Variants in FLVCR1 observed in about 807,000 individuals in gnomAD.
FLVCR1 encodes choline/ethanolamine transporter FLVCR1.
A neutral mutation model predicts 53.6 loss-of-function variants in FLVCR1; 34 were observed. The ratio of observed to expected loss-of-function variants is 0.63; its 90% CI spans 0.48 to 0.84. FLVCR1 has a LOEUF of 0.84. Among genes scored for constraint, FLVCR1 ranks in the 40% least tolerant of loss-of-function variants. FLVCR1 has a pLI of 0.00. For missense variants in FLVCR1, 677 were observed against 696.7 expected, an observed-to-expected ratio of 0.97 and a Z score of 0.32; for synonymous variants, 300 against 286.3, an observed-to-expected ratio of 1.05 and a Z score of -0.48.
chr1:212,889,003 T>C, intron 7 of FLVCR1, 143 bp from the exon 8 acceptor site: 1 of 678,770 alleles, frequency 1.5e-6, no homozygotes, highest in East Asian at 2.9e-5. Flanking sequence ...GACCGTGGTT[T>C]TTGTTTTAAC....
chr1:212,889,209 G>A lies in FLVCR1; in HGVS notation c.1477G>A (p.Gly493Arg). Residue 493 changes from glycine to arginine, a missense_variant, in exon 8 of 10, where the codon GGG (glycine) becomes AGG (arginine). By Grantham distance (125) the Gly-to-Arg change is moderately radical. Transcript: ENST00000366971. ...CACATCAGACTATGGTCCTAAGGCA[G>A]GGAACATTTTTCTCTGTGTCTGGAT... ...KLTSDYGPKAGNIFLCVWMFI... is the reference protein window; with the variant it reads ...KLTSDYGPKARNIFLCVWMFI... The A allele has an allele frequency of 6.2e-7, 1 of 1,613,914 alleles. No homozygotes were observed. Among genetic ancestry groups the A allele is most frequent in the Admixed American group, 1.7e-5 (1 of 60,020 alleles).
At chr1:212,869,188 A>G (rs1254442535) in intron 2 of FLVCR1, among the ~76,000 whole-genome samples, 1 of 152,270 alleles carries the variant, frequency 6.6e-6, no homozygotes, top group African/African-American at 2.4e-5. Flanking sequence ...TGGCTACTTT[A>G]TAAGACTAAC....
chr1:212,874,100 C>T (rs936577897), intron 3 of FLVCR1, among the ~76,000 whole-genome samples: 3 of 152,116 alleles, frequency 2.0e-5, no homozygotes, highest in African/African-American at 7.2e-5. Flanking sequence ...CTCTGCCTCC[C>T]GGGTTCAAGC....
chr1:212,884,541 A>G (rs1200395910), intron 4 of FLVCR1, among the ~76,000 whole-genome samples: 1 of 152,250 alleles, frequency 6.6e-6, no homozygotes, highest in African/African-American at 2.4e-5. Flanking sequence ...GGAACTCAGC[A>G]TAAATATAGA....
chr1:212,880,277 G>A (rs1261007442), intron 3 of FLVCR1, among the ~76,000 whole-genome samples: 1 of 152,202 alleles, frequency 6.6e-6, no homozygotes, highest in Non-Finnish European at 1.5e-5. Flanking sequence ...AACAGGGATT[G>A]TAATGGAACA....
intron 8 of FLVCR1, among the ~76,000 whole-genome samples, chr1:212,892,807 C>T (rs1404858038): frequency 6.6e-6 from 1 of 152,092 alleles, no homozygotes; most frequent in Non-Finnish European, 1.5e-5. Context: ...GGAAAGGATG[C>T]ACCATCCTAG....
chr1:212,888,697 T>C lies in FLVCR1; in HGVS notation c.1413+103T>C, dbSNP rs181703167. 20 of 955,600 alleles carry C rather than the reference T, an allele frequency of 2.1e-5. No individual in the cohort carries two copies. In the Admixed American group the frequency reaches 3.6e-4, roughly 17 times the overall value. The allele number at this position is 955,600 out of a possible 1,614,324, so 59.2% of individuals were successfully genotyped here. On this transcript the variant is annotated intron_variant, in intron 7 of 9. Coordinates refer to ENST00000366971, the MANE Select transcript of FLVCR1 (RefSeq NM_014053.4). ...TTATTTGTTGTTGTTGTTGTTTTGTTTTTTGGAGACAGAGTCTTGCTCAGC... is the reference window on the plus strand; with the variant it reads ...TTATTTGTTGTTGTTGTTGTTTTGTCTTTTGGAGACAGAGTCTTGCTCAGC...
At position 212,866,131 on chromosome 1, in the gene FLVCR1, C is replaced by T. The variant is rs146167338; in HGVS notation, c.883+2262C>T. On this transcript the variant is annotated intron_variant, in intron 2 of 9. Coordinates refer to ENST00000366971, the MANE Select transcript of FLVCR1 (RefSeq NM_014053.4). The stretch of plus-strand genomic sequence containing the variant: ...TCCCAAGTAGCTGAGATTACAGGCG[C>T]GTGCCACCATGCCTGGCTAATTTTT... 1.5e-3 allele frequency among the ~76,000 whole-genome samples: 232 copies of T among 152,050 alleles called. 2 individuals carry two copies. Among genetic ancestry groups the T allele is most frequent in the African/African-American group, 5.2e-3 (214 of 41,440 alleles).
chr1:212,896,885 A>AAAAAG lies in FLVCR1; in HGVS notation c.*1598_*1599insAGAAA. ...AAAAAAAAAAAAAAAAAAAAAAAAAAAAAGGCCAGGCGCAGTGCTGTGGCT... is the reference window on the plus strand; with the variant it reads ...AAAAAAAAAAAAAAAAAAAAAAAAAAAAAAGAAAGGCCAGGCGCAGTGCTGTGGCT... On this transcript the variant is annotated 3_prime_UTR_variant, in exon 10 of 10. Transcript: ENST00000366971. 1 of 138,940 alleles carries AAAAAG rather than the reference A, an allele frequency of 7.2e-6. No homozygotes were observed. Among genetic ancestry groups the AAAAAG allele is most frequent in the Non-Finnish European group, 1.5e-5 (1 of 64,890 alleles). 8.6% of individuals were successfully genotyped at this position (138,940 alleles called of 1,614,324 possible). A position where few individuals can be genotyped will look rare whatever the true frequency, so the allele number is the denominator to read the frequency against.
rs1665313752 is a variant in FLVCR1 at position 212,895,595 on chromosome 1, G to A, written c.*305G>A. The stretch of plus-strand genomic sequence containing the variant: ...TGACGTTTACTTTTTAAAAGTCGAT[G>A]TTTTTCTTTTTTGTAGAAAATGGAA... On this transcript the variant is annotated 3_prime_UTR_variant, in exon 10 of 10. Coordinates refer to ENST00000366971, the MANE Select transcript of FLVCR1 (RefSeq NM_014053.4). 2.7e-6 allele frequency: 1 copy of A among 368,348 alleles called. No homozygotes were observed. The allele number at this position is 368,348 out of a possible 1,614,324, so 22.8% of individuals were successfully genotyped here. A position where few individuals can be genotyped will look rare whatever the true frequency, so the allele number is the denominator to read the frequency against.
rs6682947 is a variant in FLVCR1 at position 212,896,441 on chromosome 1, A to G, written c.*1151A>G. On this transcript the variant is annotated 3_prime_UTR_variant, in exon 10 of 10. Coordinates refer to ENST00000366971, the MANE Select transcript of FLVCR1 (RefSeq NM_014053.4). The stretch of plus-strand genomic sequence containing the variant: ...TTCACTGCAGAGTCATCACACTGTT[A>G]GAATAGTCTGCTCTTTTACATGCTC... The G allele has an allele frequency of 0.62, 93,905 of 151,926 alleles. 30,871 individuals carry two copies. Among genetic ancestry groups the G allele is most frequent in the East Asian group, 0.91 (4,716 of 5,156 alleles). The allele number at this position is 151,926 out of a possible 1,614,324, so 9.4% of individuals were successfully genotyped here.
chr1:212,862,950 A>G (rs1664291128), intron 1 of FLVCR1, among the ~76,000 whole-genome samples: 1 of 152,160 alleles, frequency 6.6e-6, no homozygotes, highest in African/African-American at 2.4e-5. Flanking sequence ...CCATTTGTAT[A>G]TCTTCTTTGG....
At chr1:212,878,014 C>G (rs894267287) in intron 3 of FLVCR1, among the ~76,000 whole-genome samples, 2 of 152,090 alleles carry the variant, frequency 1.3e-5, no homozygotes, top group Admixed American at 6.6e-5. Context: ...GACCCATGAG[C>G]CAAATCTGGA....
chr1:212,867,641 G>C (rs2102543539), intron 2 of FLVCR1, among the ~76,000 whole-genome samples: 1 of 152,182 alleles, frequency 6.6e-6, no homozygotes, highest in African/African-American at 2.4e-5. Flanking sequence ...AGCTGTTCTT[G>C]TGCAGCAGAG....
intron 1 of FLVCR1, 24 bp downstream of exon 1, chr1:212,859,214 AAGTC>A (rs1664143170): frequency 5.6e-6 from 9 of 1,613,800 alleles, no homozygotes; most frequent in East Asian, 2.2e-5. Context: ...TGGTAGGTGA[AAGTC>A]AGATCCTTAA....
At chr1:212,869,080 A>G (rs1342941412) in intron 2 of FLVCR1, among the ~76,000 whole-genome samples, 1 of 152,240 alleles carries the variant, frequency 6.6e-6, no homozygotes, top group East Asian at 1.9e-4. Context: ...AAATGTTAAA[A>G]TACGGTTTTA....
intron 2 of FLVCR1, among the ~76,000 whole-genome samples, chr1:212,871,750 A>G (rs533636577): frequency 1.4e-4 from 21 of 152,246 alleles, no homozygotes; most frequent in African/African-American, 4.8e-4. Flanking sequence ...TCTTTTATGG[A>G]AAGTTGGTCG....
intron 3 of FLVCR1, among the ~76,000 whole-genome samples, chr1:212,882,335 T>C (rs1664952970): frequency 6.6e-6 from 1 of 152,162 alleles, no homozygotes; most frequent in South Asian, 2.1e-4. Context: ...AATATCAACA[T>C]GGATACATCT....
At chr1:212,868,766 C>T (rs1463896360) in intron 2 of FLVCR1, among the ~76,000 whole-genome samples, 1 of 152,186 alleles carries the variant, frequency 6.6e-6, no homozygotes, top group African/African-American at 2.4e-5. Context: ...TTTCAAACTC[C>T]TGAGGCAGTC....
Sources: gnomAD v4.1 joint callset for allele counts (sites outside exome capture counted in the v4.1 genomes callset) on GRCh38, gnomAD v4.1.1 for gene constraint, MANE v1.5 for transcripts, NCBI Gene and HGNC (gene_info 2026-07-23, HGNC 2026-07-21) for gene names.